Variants in DPP6 observed in about 807,000 individuals in gnomAD.
The protein encoded by DPP6 is dipeptidyl peptidase like 6, also known as A-type potassium channel modulatory protein DPP6.
In DPP6, 69 loss-of-function variants were observed where a neutral mutation model predicts 122.6. The ratio of observed to expected loss-of-function variants is 0.56; its 90% CI spans 0.46 to 0.69. The LOEUF (loss-of-function observed/expected upper bound fraction) is 0.69, where lower values mean the gene tolerates loss of function less well. DPP6 is among the 30% of genes least tolerant of loss of function. The pLI, the probability that DPP6 is intolerant of heterozygous loss-of-function variation, is 0.00. For missense variants in DPP6, 928 were observed against 1,116.9 expected, an observed-to-expected ratio of 0.83 and a Z score of 2.41; for synonymous variants, 418 against 433.1, an observed-to-expected ratio of 0.97 and a Z score of 0.43.
At position 154,566,833 on chromosome 7, in the gene DPP6, TTC is replaced by T. The variant is rs1830782667; in HGVS notation, c.553-7_553-6del. The T allele has an allele frequency of 6.6e-7, 1 of 1,504,990 alleles. No individual in the cohort carries two copies. The highest frequency in any genetic ancestry group is 1.4e-5 in the African/African-American group (1 of 72,120). 93.2% of individuals were successfully genotyped at this position (1,504,990 alleles called of 1,614,324 possible). A position where few individuals can be genotyped will look rare whatever the true frequency, so the allele number is the denominator to read the frequency against. ...TGCTTTAAAATTCTTTGTCTATTTTTTCTTTTAGGAATCATTAAGAGCCATCA... is the reference window on the plus strand; with the variant it reads ...TGCTTTAAAATTCTTTGTCTATTTTTTTTTAGGAATCATTAAGAGCCATCA... On this transcript the variant is annotated splice_region_variant and splice_polypyrimidine_tract_variant and intron_variant, in intron 4 of 25. Transcript: ENST00000377770.
At chr7:154,772,658 T>G (rs1029548038) in intron 9 of DPP6, among the ~76,000 whole-genome samples, 187 bp from the exon 10 acceptor site, 4 of 152,206 alleles carry the variant, frequency 2.6e-5, no homozygotes, top group Non-Finnish European at 5.9e-5. Flanking sequence ...TCAGCCCACT[T>G]AGCCCTTTGT....
At chr7:154,572,077 T>A (rs1831146235) in intron 5 of DPP6, among the ~76,000 whole-genome samples, 1 of 152,222 alleles carries the variant, frequency 6.6e-6, no homozygotes, top group African/African-American at 2.4e-5. Flanking sequence ...AGATGGGTTC[T>A]GCTCAGTCCT....
At chr7:154,097,429 G>A (rs916886949) in intron 1 of DPP6, among the ~76,000 whole-genome samples, 11 of 152,220 alleles carry the variant, frequency 7.2e-5, no homozygotes, top group Non-Finnish European at 1.5e-4. Flanking sequence ...CTGATTCAAC[G>A]CTATTGCTCC....
intron 12 of DPP6, among the ~76,000 whole-genome samples, chr7:154,798,334 G>A (rs962440349): frequency 2.0e-5 from 3 of 152,164 alleles, no homozygotes; most frequent in Admixed American, 6.5e-5. Flanking sequence ...GTGTCTCATC[G>A]CCCATATGAG....
At chr7:154,382,271 T>C (rs924631145) in intron 1 of DPP6, among the ~76,000 whole-genome samples, 1 of 152,082 alleles carries the variant, frequency 6.6e-6, no homozygotes, top group Non-Finnish European at 1.5e-5. Context: ...CACTGCAGCC[T>C]CCACCTCCCA....
At chr7:153,871,159 C>A in the DPP6 span, among the ~76,000 whole-genome samples, 1 of 152,186 alleles carries the variant, frequency 6.6e-6, no homozygotes, top group Non-Finnish European at 1.5e-5. Context: ...CTGGGAGAAC[C>A]ACTACTCTCT....
At chr7:154,622,882 TTGTC>T (rs1834786080) in intron 5 of DPP6, among the ~76,000 whole-genome samples, 1 of 152,200 alleles carries the variant, frequency 6.6e-6, no homozygotes, top group Non-Finnish European at 1.5e-5. Context: ...TCCAATCTAA[TTGTC>T]TGTCTTACCC....
At chr7:154,865,116 G>T (rs1803743624) in intron 17 of DPP6, among the ~76,000 whole-genome samples, 1 of 152,172 alleles carries the variant, frequency 6.6e-6, no homozygotes, top group South Asian at 2.1e-4. Context: ...ATCCAGACAG[G>T]CTCTTGCCAC....
At chr7:153,876,386 C>T in the DPP6 span, among the ~76,000 whole-genome samples, 2 of 108,414 alleles carry the variant, frequency 1.8e-5, no homozygotes, top group African/African-American at 3.8e-5. Flanking sequence ...CCAAATTGAC[C>T]GTATGTTTGA....
At chr7:154,550,322 C>A (rs935234183) in intron 4 of DPP6, among the ~76,000 whole-genome samples, 4 of 152,004 alleles carry the variant, frequency 2.6e-5, no homozygotes, top group Middle Eastern at 3.4e-3. Context: ...AGCTTTTTTT[C>A]ATTTAACCAA....
Position 154,790,316 on chromosome 7 carries a change from G to A in DPP6, c.1137-3763G>A, listed in dbSNP as rs142347940. 2.5e-3 allele frequency among the ~76,000 whole-genome samples: 381 copies of A among 152,332 alleles called. 1 individual carries two copies. Among genetic ancestry groups the A allele is most frequent in the African/African-American group, 8.8e-3 (366 of 41,570 alleles). On this transcript the variant is annotated intron_variant, in intron 10 of 25. Transcript: ENST00000377770. ...TATGCGGGTCATGAGGCAACATCAA[G>A]CTCTCAGGGCAAGTCGGCACAAGGG...
At chr7:154,857,357 C>T (rs925364592) in intron 17 of DPP6, among the ~76,000 whole-genome samples, 2 of 152,096 alleles carry the variant, frequency 1.3e-5, no homozygotes, top group South Asian at 4.1e-4. Flanking sequence ...CCCTTCCTTG[C>T]ACGGCCATCC....
intron 1 of DPP6, among the ~76,000 whole-genome samples, chr7:153,991,133 C>G (rs1797158982): frequency 2.0e-5 from 3 of 152,104 alleles, no homozygotes; most frequent in Non-Finnish European, 2.9e-5. Flanking sequence ...CTGTGGTCGT[C>G]AGGCTGAGTG....
At chr7:154,059,963 G>T (rs1200036706) in intron 1 of DPP6, among the ~76,000 whole-genome samples, 2 of 152,014 alleles carry the variant, frequency 1.3e-5, no homozygotes, top group African/African-American at 4.8e-5. Flanking sequence ...TTTTGTGATG[G>T]CTGAGATCCA....
At chr7:154,426,884 G>A (rs1256684567) in intron 1 of DPP6, among the ~76,000 whole-genome samples, 2 of 148,638 alleles carry the variant, frequency 1.3e-5, no homozygotes, top group Non-Finnish European at 3.0e-5. Context: ...AAAATTCCAA[G>A]AGAATTATTT....
At chr7:154,338,131 G>A (rs1018872669) in intron 1 of DPP6, among the ~76,000 whole-genome samples, 2 of 152,114 alleles carry the variant, frequency 1.3e-5, no homozygotes, top group African/African-American at 4.8e-5. Context: ...AGATGTCACA[G>A]TTTGGGCAAA....
At chr7:154,796,548 T>C (rs1311531888) in intron 12 of DPP6, among the ~76,000 whole-genome samples, 1 of 152,244 alleles carries the variant, frequency 6.6e-6, no homozygotes, top group Admixed American at 6.5e-5. Context: ...ACTCTGACAC[T>C]AAGAAGAACA....
intron 16 of DPP6, among the ~76,000 whole-genome samples, chr7:154,841,982 C>T (rs1028136622): frequency 6.6e-6 from 1 of 152,120 alleles, no homozygotes; most frequent in African/African-American, 2.4e-5. Context: ...AAATGCTGTC[C>T]TCGGAACAAA....
At chr7:154,572,510 C>CTTTTT (rs77816407) in intron 5 of DPP6, among the ~76,000 whole-genome samples, 796 of 86,136 alleles carry the variant, frequency 9.2e-3, no homozygotes, top group Non-Finnish European at 0.013. Context: ...TTTTTCTTTT[C>CTTTTT]TTTTTTTTTT....
Sources: gnomAD v4.1 joint callset for allele counts (sites outside exome capture counted in the v4.1 genomes callset) on GRCh38, gnomAD v4.1.1 for gene constraint, MANE v1.5 for transcripts, NCBI Gene and HGNC (gene_info 2026-07-23, HGNC 2026-07-21) for gene names.